The following MARCHF10 variants were observed in gnomAD, a reference collection of about 807,000 sequenced individuals.
The protein encoded by MARCHF10 is membrane associated ring-CH-type finger 10.
In MARCHF10, 64 loss-of-function variants were observed where a neutral mutation model predicts 76.2. The observed-to-expected ratio is 0.84, with a 90% confidence interval of 0.69 to 1.03. The LOEUF (loss-of-function observed/expected upper bound fraction) is 1.03. Among genes scored for constraint, MARCHF10 ranks in the 50% least tolerant of loss-of-function variants. The probability of loss-of-function intolerance (pLI) is 0.00; values close to 1 mark genes in which losing one functional copy is unlikely to be tolerated. For missense variants in MARCHF10, 875 were observed against 958.0 expected, an observed-to-expected ratio of 0.91 and a Z score of 1.14; for synonymous variants, 340 against 357.5, an observed-to-expected ratio of 0.95 and a Z score of 0.55.
At position 62,701,755 on chromosome 17, in the gene MARCHF10, G is replaced by A. The variant is rs1302556527; in HGVS notation, c.2375C>T (p.Ser792Leu). ...GCCTTCATTTCCATCTCCCAACTCC[G>A]AATCTGGAAGGCAAGAAGGTGTTTC... ...PQPRTEENEN[S>L]ELGDGNEGSI... The change falls in exon 11 of 11, where the codon TCG (serine) becomes TTG (leucine). Residue 792 changes from serine to leucine, a missense_variant. Ser to Leu is a moderately radical substitution (Grantham distance 145). Coordinates refer to ENST00000311269, the MANE Select transcript of MARCHF10 (RefSeq NM_152598.4). The A allele has an allele frequency of 1.2e-5, 20 of 1,613,958 alleles. No homozygotes were observed. The highest frequency in any genetic ancestry group is 1.7e-5 in the Non-Finnish European group (20 of 1,180,032).
chr17:62,756,039 G>A (rs979646193), intron 4 of MARCHF10, among the ~76,000 whole-genome samples: 4 of 151,970 alleles, frequency 2.6e-5, no homozygotes, highest in Non-Finnish European at 5.9e-5. Flanking sequence ...ACCTGAGGTC[G>A]GGAGTTCAAG....
At position 62,702,149 on chromosome 17, in the gene MARCHF10, G is replaced by A. The variant is rs563077220; in HGVS notation, c.2372-391C>T. On this transcript the variant is annotated intron_variant, in intron 10 of 10. Coordinates refer to ENST00000311269, the MANE Select transcript of MARCHF10 (RefSeq NM_152598.4). ...GGGAACGGACCCAGGTGTTTCAGGA[G>A]TCTTTCAGAAATCAATGGCTGGATG... is the stretch of plus-strand genomic sequence containing the variant. Among the ~76,000 whole-genome samples, 7 of 152,060 alleles carry A rather than the reference G, an allele frequency of 4.6e-5. No individual in the cohort carries two copies. The East Asian group carries it at 9.6e-4, about 21-fold the overall frequency.
intron 4 of MARCHF10, among the ~76,000 whole-genome samples, chr17:62,748,387 G>C (rs1223202890): frequency 6.6e-6 from 1 of 150,634 alleles, no homozygotes; most frequent in Non-Finnish European, 1.5e-5. Context: ...CCGGGCGACA[G>C]TGCAAGGCTC....
Position 62,759,991 on chromosome 17 carries a change from C to A in MARCHF10, c.226G>T (p.Asp76Tyr). 6.2e-7 allele frequency: 1 copy of A among 1,613,928 alleles called. No individual in the cohort carries two copies. The highest frequency in any genetic ancestry group is 2.2e-5 in the East Asian group (1 of 44,872). Residue 76 changes from aspartate (D) to tyrosine (Y), a missense_variant, in exon 4 of 11, where the codon GAT (aspartate) becomes TAT (tyrosine). Transcript: ENST00000311269. ...GATGACCTTGGTTCAGTTAGAGCATCCTCCTCACTAGAACTCTACCAAAAA... is the reference window on the plus strand; with the variant it reads ...GATGACCTTGGTTCAGTTAGAGCATACTCCTCACTAGAACTCTACCAAAAA... The part of the protein sequence containing the change: ...SSSKQSSSEE[D>Y]ALTEPRSSIK...
In MARCHF10 at chr17:62,737,103, T is replaced by G. The variant is rs765095575; in HGVS notation, c.765A>C (p.Pro255=). The part of the protein sequence containing the change: ...PQVLSEFSGP[P]LTPTTVGGPR... ...GCCCTCCTACAGTGGTGGGTGTGAGTGGTGGCCCCGAGAACTCACTCAATA... is the reference window on the plus strand; with the variant it reads ...GCCCTCCTACAGTGGTGGGTGTGAGGGGTGGCCCCGAGAACTCACTCAATA... Residue 255 remains proline (P), a synonymous_variant, in exon 6 of 11, where the codon CCA becomes CCC. Transcript: ENST00000311269. The G allele has an allele frequency of 9.3e-6, 15 of 1,613,936 alleles. No individual in the cohort carries two copies. In the Admixed American group the frequency reaches 2.3e-4, roughly 25 times the overall value.
At chr17:62,800,261 T>C (rs1191522916) in intron 2 of MARCHF10, among the ~76,000 whole-genome samples, 3 of 152,098 alleles carry the variant, frequency 2.0e-5, no homozygotes, top group African/African-American at 7.2e-5. Context: ...AGCCACACAG[T>C]TGTGTGATTT....
rs1223344396 is a variant in MARCHF10, at chr17:62,759,917, G to A, written c.300C>T (p.Asp100=). ...TATGTTTCTGCTTGACTGATGTTTGGTCAATTGCTGGAAGTTTGGAGTCAC... is the reference window on the plus strand; with the variant it reads ...TATGTTTCTGCTTGACTGATGTTTGATCAATTGCTGGAAGTTTGGAGTCAC... ...FKCDSKLPAI[D]QTSVKQKHKS... is the part of the protein sequence containing the mutation. Residue 100 remains aspartate (D), a synonymous_variant, in exon 4 of 11, where the codon GAC becomes GAT. Transcript: ENST00000311269. The A allele has an allele frequency of 1.1e-5, 17 of 1,613,996 alleles. No individual in the cohort carries two copies. Among genetic ancestry groups the A allele is most frequent in the Non-Finnish European group, 1.4e-5 (17 of 1,180,002 alleles).
rs570064620 is a variant in MARCHF10 at position 62,738,350 on chromosome 17, G to A, written c.536-1018C>T. Among the ~76,000 whole-genome samples the A allele has an allele frequency of 8.5e-5, 13 of 152,268 alleles. No homozygotes were observed. Among genetic ancestry groups the A allele is most frequent in the South Asian group, 6.2e-4 (3 of 4,826 alleles). On this transcript the variant is annotated intron_variant, in intron 5 of 10. Coordinates refer to ENST00000311269, the MANE Select transcript of MARCHF10 (RefSeq NM_152598.4). The surrounding 1 kb of genome is among the most constrained non-coding windows in gnomAD (Gnocchi z 4.0). ...AAAATGAGAATCCATTGAATTCATC[G>A]TGGTGTGTGTGTGCTGTTGAGGGTC...
chr17:62,760,042 C>CAAGT, intron 3 of MARCHF10, 36 bp from the exon 4 acceptor site: 1 of 1,575,482 alleles, frequency 6.3e-7, no homozygotes, highest in South Asian at 1.1e-5. Flanking sequence ...TCTCAGTGGC[C>CAAGT]AAGTAGGTCA....
chr17:62,780,103 A>C (rs926266728), intron 3 of MARCHF10, among the ~76,000 whole-genome samples: 3 of 149,510 alleles, frequency 2.0e-5, no homozygotes, highest in Non-Finnish European at 4.4e-5. Flanking sequence ...TCTAAAAAAA[A>C]AAACAAACCA....
intron 6 of MARCHF10, 119 bp downstream of exon 6, chr17:62,735,812 C>T (rs1278403654): frequency 8.0e-6 from 7 of 873,638 alleles, no homozygotes; most frequent in Non-Finnish European, 1.0e-5. Context: ...TAAGCAACCA[C>T]TAAAATGTCA....
Position 62,761,701 on chromosome 17 carries a change from C to T in MARCHF10, c.211-1695G>A, listed in dbSNP as rs552902192. On this transcript the variant is annotated intron_variant, in intron 3 of 10. Coordinates refer to ENST00000311269, the MANE Select transcript of MARCHF10 (RefSeq NM_152598.4). The stretch of plus-strand genomic sequence containing the variant: ...CCTCCCAAAGTTCTGGGATTATAGG[C>T]GTGAGCCACTGTGCCTGGCTAAAAC... 3.3e-5 allele frequency among the ~76,000 whole-genome samples: 5 copies of T among 152,226 alleles called. No individual in the cohort carries two copies. In the South Asian group the frequency reaches 6.2e-4, roughly 19 times the overall value.
intron 4 of MARCHF10, among the ~76,000 whole-genome samples, chr17:62,755,178 A>C (rs2092004229): frequency 6.6e-6 from 1 of 152,210 alleles, no homozygotes. Context: ...TTAAAGGGCA[A>C]GATTTTGGAA....
intron 3 of MARCHF10, among the ~76,000 whole-genome samples, chr17:62,768,967 A>G (rs1024956223): frequency 6.6e-6 from 1 of 152,192 alleles, no homozygotes; most frequent in African/African-American, 2.4e-5. Context: ...ATCTAGAACA[A>G]TTCTCTGGTC....
intron 5 of MARCHF10, among the ~76,000 whole-genome samples, chr17:62,741,317 T>G (rs1172126818): frequency 6.6e-6 from 1 of 152,190 alleles, no homozygotes; most frequent in African/African-American, 2.4e-5. Flanking sequence ...ACTATATATT[T>G]TCTTAGACTA....
At chr17:62,728,410 A>G (rs566894000) in intron 6 of MARCHF10, among the ~76,000 whole-genome samples, 1 of 152,300 alleles carries the variant, frequency 6.6e-6, no homozygotes, top group African/African-American at 2.4e-5. Context: ...CAGAGGAGAA[A>G]AAGCACACAA....
chr17:62,800,594 A>G (rs1487067888), intron 2 of MARCHF10, among the ~76,000 whole-genome samples: 1 of 152,174 alleles, frequency 6.6e-6, no homozygotes, highest in Non-Finnish European at 1.5e-5. Context: ...CTTTAGTTAT[A>G]TTTGAAATTG....
intron 1 of MARCHF10, chr17:62,806,583 G>C (rs1011308007): frequency 6.6e-6 from 1 of 152,254 alleles, no homozygotes; most frequent in Non-Finnish European, 1.5e-5. Context: ...GAGGGAGTTG[G>C]AGGCAGGTGG....
Position 62,705,440 on chromosome 17 carries a change from T to A in MARCHF10, c.2371+99A>T. 5.0e-6 allele frequency: 8 copies of A among 1,608,022 alleles called. No homozygotes were observed. In the South Asian group the frequency reaches 8.9e-5, roughly 18 times the overall value. On this transcript the variant is annotated intron_variant, in intron 10 of 10. Coordinates refer to ENST00000311269, the MANE Select transcript of MARCHF10 (RefSeq NM_152598.4). ...GGTTATTTTTGCCTCTGGGTGGTGG[T>A]CATTCCTTCCTTCCATGGCATTTGG...
Sources: allele counts gnomAD v4.1 joint callset (sites outside exome capture counted in the v4.1 genomes callset), GRCh38; gene constraint gnomAD v4.1.1; non-coding constraint Gnocchi (gnomAD v3.1); transcripts MANE v1.5; gene names NCBI Gene and HGNC (gene_info 2026-07-23, HGNC 2026-07-21).